The following PREPL variants were observed in gnomAD, a reference collection of about 807,000 sequenced individuals.
PREPL encodes prolyl endopeptidase like.
A neutral mutation model predicts 70.6 loss-of-function variants in PREPL; 77 were observed. The observed-to-expected ratio is 1.09, with a 90% CI of 0.91 to 1.32. The LOEUF is 1.32. Ranked by LOEUF, PREPL falls within the 40% of genes most tolerant of loss-of-function variation. PREPL has a pLI of 0.00. For synonymous variants in PREPL, 315 were observed against 264.8 expected, an observed-to-expected ratio of 1.19 and a Z score of -1.84; for missense variants, 1,002 against 778.2, an observed-to-expected ratio of 1.29 and a Z score of -3.42.
chr2:44,322,911 T>C, intron 11 of PREPL, 57 bp from the exon 12 acceptor site: 1 of 1,561,036 alleles, frequency 6.4e-7, no homozygotes, highest in Non-Finnish European at 8.6e-7. Context: ...CCCTTGCCAC[T>C]ATAGAGACTA....
rs757074020 is a variant in PREPL, at chr2:44,322,829, G to T, written c.1655C>A (p.Ala552Glu). The T allele has an allele frequency of 6.2e-7, 1 of 1,613,542 alleles. No individual in the cohort carries two copies. Among genetic ancestry groups the T allele is most frequent in the Admixed American group, 1.7e-5 (1 of 59,944 alleles). Reference protein sequence around the residue: ...PQHYPSIHITAYENDERVPLK... With the variant: ...PQHYPSIHITEYENDERVPLK... ...AGGTACCCGTTCATCGTTTTCATAT[G>T]CCGTTATGTGAATTGAAGGATAATG... The change falls in exon 12 of 14, where the codon GCA becomes GAA. Residue 552 changes from alanine (A) to glutamate (E), a missense_variant. Physicochemically the swap from Ala to Glu is moderately radical, Grantham distance 107 (BLOSUM62 -1). Coordinates refer to ENST00000409411, the MANE Select transcript of PREPL (RefSeq NM_001171613.2).
chr2:44,332,463 CT>C lies in PREPL; in HGVS notation c.1081del (p.Ser361AlafsTer6). Reference protein sequence around the residue: ...TSRVLRLEAKSKDGKLVPMTV... With the variant: ...TSRVLRLEAKXKDGKLVPMTV... ...AGTGAAGATTATAAGACCTACCTTG[CT>C]TTTGGCTTCTAGACGTAAAACGCGA... is the stretch of plus-strand genomic sequence containing the variant. On this transcript the variant is annotated frameshift_variant, in exon 8 of 14. Coordinates refer to ENST00000409411, the MANE Select transcript of PREPL (RefSeq NM_001171613.2). LOFTEE classifies it high-confidence loss of function. 6.2e-7 allele frequency: 1 copy of C among 1,612,510 alleles called. No homozygotes were observed. Among genetic ancestry groups the C allele is most frequent in the Non-Finnish European group, 8.5e-7 (1 of 1,178,614 alleles).
At chr2:44,338,277 A>T (rs1236008823) in intron 7 of PREPL, 74 bp downstream of exon 7, 1 of 1,337,726 alleles carries the variant, frequency 7.5e-7, no homozygotes, top group African/African-American at 1.5e-5. Context: ...CACTATTCAA[A>T]ATGTGATGTT....
intron 7 of PREPL, among the ~76,000 whole-genome samples, chr2:44,337,406 T>C (rs963972471): frequency 1.1e-4 from 16 of 152,242 alleles, no homozygotes; most frequent in African/African-American, 3.6e-4. Context: ...TGTGATTAAC[T>C]ATATCTTCCT....
intron 9 of PREPL, among the ~76,000 whole-genome samples, chr2:44,328,422 G>A (rs1209367398): frequency 2.9e-5 from 1 of 35,016 alleles, no homozygotes; most frequent in Non-Finnish European, 5.3e-5. Flanking sequence ...GGGCGACAAA[G>A]CAAAACTGTC....
rs1558508229 is a variant in PREPL at position 44,343,867 on chromosome 2, G to A, written c.227C>T (p.Pro76Leu). ...QPFIDCIRVA[P>L]DEKYVAAKIR... Reference sequence around the variant, plus strand: ...CTTGGCAGCCACATATTTTTCATCTGGAGCAACTCTGATACAATCAATGAA... The same window carrying A: ...CTTGGCAGCCACATATTTTTCATCTAGAGCAACTCTGATACAATCAATGAA... Residue 76 changes from proline to leucine, a missense_variant, in exon 4 of 14, where the codon CCA (proline) becomes CTA (leucine). Physicochemically the swap from Pro to Leu is moderately conservative, Grantham distance 98. Coordinates refer to ENST00000409411, the MANE Select transcript of PREPL (RefSeq NM_001171613.2). The A allele has an allele frequency of 6.2e-7, 1 of 1,613,800 alleles. No homozygotes were observed. Among genetic ancestry groups the A allele is most frequent in the Non-Finnish European group, 8.5e-7 (1 of 1,179,940 alleles).
intron 2 of PREPL, among the ~76,000 whole-genome samples, chr2:44,345,848 T>A (rs897118504): frequency 6.6e-6 from 1 of 152,148 alleles, no homozygotes; most frequent in Non-Finnish European, 1.5e-5. Context: ...GATTAAAAAA[T>A]TTTTAAATCA....
At chr2:44,336,613 A>C (rs1282547919) in intron 7 of PREPL, among the ~76,000 whole-genome samples, 1 of 152,188 alleles carries the variant, frequency 6.6e-6, no homozygotes, top group East Asian at 1.9e-4. Context: ...AATAATACGT[A>C]TATCAAACCC....
chr2:44,358,570 A>G (rs923659794), intron 1 of PREPL, among the ~76,000 whole-genome samples: 12 of 152,182 alleles, frequency 7.9e-5, no homozygotes, highest in African/African-American at 2.9e-4. Context: ...GGATGACCAT[A>G]TAATTTACCA....
rs770389415 is a variant in PREPL, at chr2:44,343,930, A to T, written c.164T>A (p.Val55Asp). The T allele has an allele frequency of 1.2e-6, 2 of 1,614,004 alleles. No individual in the cohort carries two copies. Among genetic ancestry groups the T allele is most frequent in the African/African-American group, 1.3e-5 (1 of 75,052 alleles). The change falls in exon 4 of 14, where the codon GTT becomes GAT. Residue 55 changes from valine to aspartate, a missense_variant. Coordinates refer to ENST00000409411, the MANE Select transcript of PREPL (RefSeq NM_001171613.2). ...DEEADNDNYE[V>D]LFNLEELKLD... ...CTTAAGTTCCTCCAAATTGAATAAA[A>T]CTTCATAATTATCATTGTCTGCTGT...
chr2:44,353,660 G>A (rs968925416), intron 1 of PREPL, among the ~76,000 whole-genome samples: 3 of 151,822 alleles, frequency 2.0e-5, no homozygotes, highest in Non-Finnish European at 2.9e-5. Flanking sequence ...CTGGCATAAC[G>A]ACAGACATAT....
chr2:44,328,489 G>C (rs72804917), intron 9 of PREPL, among the ~76,000 whole-genome samples: 7,680 of 139,276 alleles, frequency 0.055, 281 homozygotes, highest in Non-Finnish European at 0.086. Flanking sequence ...TGCCGCTACA[G>C]AGATCCATCA....
chr2:44,321,891 G>A lies in PREPL; in HGVS notation c.1763C>T (p.Thr588Ile). ...HAKDTGEGYQTPNIILDIQPG... is the reference protein window; with the variant it reads ...HAKDTGEGYQIPNIILDIQPG... Reference sequence around the variant, plus strand: ...CTGAATATCTAGAATAATATTAGGGGTCTGATAGCCTGGAAGAGTTAACAT... The same window carrying A: ...CTGAATATCTAGAATAATATTAGGGATCTGATAGCCTGGAAGAGTTAACAT... The change falls in exon 13 of 14, where the codon ACC (threonine) becomes ATC (isoleucine). Residue 588 changes from threonine (T) to isoleucine (I), a missense_variant. Physicochemically the swap from Thr to Ile is moderately conservative, Grantham distance 89. Coordinates refer to ENST00000409411, the MANE Select transcript of PREPL (RefSeq NM_001171613.2). 1 of 1,613,170 alleles carries A rather than the reference G, an allele frequency of 6.2e-7. No homozygotes were observed. Among genetic ancestry groups the A allele is most frequent in the East Asian group, 2.2e-5 (1 of 44,866 alleles).
intron 7 of PREPL, among the ~76,000 whole-genome samples, chr2:44,336,208 C>A (rs774177301): frequency 1.3e-5 from 2 of 152,080 alleles, no homozygotes; most frequent in Admixed American, 6.6e-5. Flanking sequence ...GGATATATAA[C>A]CAAAGGAATA....
rs1672594441 is a variant in PREPL at position 44,318,172 on chromosome 2, C to T, written c.*3184G>A. ...GTGGCGTGATCTCGGCACACTGCAG[C>T]CTCTGCTTCCTGGGTTCAAGTGATT... On this transcript the variant is annotated 3_prime_UTR_variant, in exon 14 of 14. Coordinates refer to ENST00000409411, the MANE Select transcript of PREPL (RefSeq NM_001171613.2). 1 of 432,378 alleles carries T rather than the reference C, an allele frequency of 2.3e-6. No individual in the cohort carries two copies. Among genetic ancestry groups the T allele is most frequent in the Non-Finnish European group, 4.6e-6 (1 of 215,748 alleles). 26.8% of individuals were successfully genotyped at this position (432,378 alleles called of 1,614,324 possible).
At chr2:44,358,911 T>C (rs973102014) in intron 1 of PREPL, among the ~76,000 whole-genome samples, 2 of 152,208 alleles carry the variant, frequency 1.3e-5, no homozygotes, top group African/African-American at 4.8e-5. Context: ...TTAGATTTTA[T>C]TAAGAGCTAT....
At chr2:44,345,008 A>G (rs1675637913) in intron 2 of PREPL, among the ~76,000 whole-genome samples, 1 of 152,206 alleles carries the variant, frequency 6.6e-6, no homozygotes, top group Admixed American at 6.5e-5. Flanking sequence ...AACCCAGTCT[A>G]TAACTTTCTG....
At chr2:44,324,637 G>C (rs1279981416) in intron 10 of PREPL, among the ~76,000 whole-genome samples, 2 of 152,186 alleles carry the variant, frequency 1.3e-5, no homozygotes, top group African/African-American at 4.8e-5. Flanking sequence ...CAGCACATTG[G>C]GAGGCTGAGG....
At chr2:44,342,619 C>T (rs920383232) in intron 4 of PREPL, 67 bp from the exon 5 acceptor site, 4 of 1,053,318 alleles carry the variant, frequency 3.8e-6, no homozygotes, top group South Asian at 1.6e-5. Flanking sequence ...AAAAAAAGCA[C>T]AGCACATTCT....
Sources: gnomAD v4.1 joint callset for allele counts (sites outside exome capture counted in the v4.1 genomes callset) on GRCh38, gnomAD v4.1.1 for gene constraint, MANE v1.5 for transcripts, NCBI Gene and HGNC (gene_info 2026-07-23, HGNC 2026-07-21) for gene names.